Variants in MTMR3 observed in about 807,000 individuals in gnomAD.
MTMR3 encodes the protein myotubularin related protein 3.
In MTMR3, 32 loss-of-function variants were observed where a neutral mutation model predicts 132.4. The observed-to-expected ratio is 0.24, with a 90% CI of 0.18 to 0.32. The LOEUF is 0.32. MTMR3 is among the 10% of genes least tolerant of loss of function. The pLI, the probability that MTMR3 is intolerant of heterozygous loss-of-function variation, is 1.00. For synonymous variants in MTMR3, 556 were observed against 550.3 expected (o/e 1.01, Z -0.14); for missense variants, 1,216 against 1,489.6 (o/e 0.82, Z 3.02).
intron 1 of MTMR3, among the ~76,000 whole-genome samples, chr22:29,912,045 C>G (rs1428034498): frequency 6.6e-6 from 1 of 151,992 alleles, no homozygotes; most frequent in Admixed American, 6.6e-5. Flanking sequence ...GGTGAAAAGT[C>G]AGACAAGAGG....
chr22:29,885,925 T>TA (rs1408445592), intron 1 of MTMR3, among the ~76,000 whole-genome samples: 3 of 152,182 alleles, frequency 2.0e-5, no homozygotes, highest in Non-Finnish European at 4.4e-5. Context: ...AAAATGTTGT[T>TA]ACAATTGTGT....
intron 1 of MTMR3, among the ~76,000 whole-genome samples, chr22:29,952,370 A>G (rs2066099821): frequency 6.6e-6 from 1 of 151,898 alleles, no homozygotes; most frequent in African/African-American, 2.4e-5. Flanking sequence ...AATGTTTCCA[A>G]AGAGATAGAA....
chr22:29,888,059 C>T (rs2064713474), intron 1 of MTMR3, among the ~76,000 whole-genome samples: 1 of 151,874 alleles, frequency 6.6e-6, no homozygotes, highest in Admixed American at 6.6e-5. Context: ...CTCTGTTTGC[C>T]CAGGCTAGAG....
rs534244117 is a variant in MTMR3, at chr22:30,013,188, T to G, written c.1318-168T>G. Reference sequence around the variant, plus strand: ...ATGGAGTTCAGGGAATTGGGAAATTTCCCTAAGTGTGTGCCTCATCAGGGA... The same window carrying G: ...ATGGAGTTCAGGGAATTGGGAAATTGCCCTAAGTGTGTGCCTCATCAGGGA... On this transcript the variant is annotated intron_variant, in intron 13 of 19. Transcript: ENST00000401950. 5.5e-5 allele frequency: 29 copies of G among 525,418 alleles called. No homozygotes were observed. The South Asian group carries it at 9.5e-4, about 17-fold the overall frequency. 32.5% of individuals were successfully genotyped at this position (525,418 alleles called of 1,614,324 possible).
chr22:29,964,293 T>C (rs2066372251), intron 2 of MTMR3, among the ~76,000 whole-genome samples: 1 of 152,228 alleles, frequency 6.6e-6, no homozygotes, highest in Non-Finnish European at 1.5e-5. Flanking sequence ...CCTGAATATT[T>C]CCTAAGGATT....
At chr22:30,022,208 C>A in intron 18 of MTMR3, 69 bp downstream of exon 18, 1 of 1,260,758 alleles carries the variant, frequency 7.9e-7, no homozygotes, top group Non-Finnish European at 1.1e-6. Context: ...CACCCCCATT[C>A]CCACCCCATA....
intron 1 of MTMR3, among the ~76,000 whole-genome samples, chr22:29,912,036 G>A (rs967934588): frequency 2.6e-5 from 4 of 152,152 alleles, no homozygotes; most frequent in Admixed American, 2.6e-4. Flanking sequence ...GAAAAACTCG[G>A]TGAAAAGTCA....
At chr22:29,945,831 A>G (rs916804431) in intron 1 of MTMR3, among the ~76,000 whole-genome samples, 2 of 152,140 alleles carry the variant, frequency 1.3e-5, no homozygotes, top group Non-Finnish European at 2.9e-5. Context: ...AAAAAAATTT[A>G]TGGATGAAAA....
At chr22:29,971,951 A>G (rs894243780) in intron 3 of MTMR3, among the ~76,000 whole-genome samples, 1 of 152,240 alleles carries the variant, frequency 6.6e-6, no homozygotes, top group African/African-American at 2.4e-5. Context: ...CATTAATTTC[A>G]AGCTTCATTA....
At chr22:29,983,281 G>C (rs2066791664) in intron 5 of MTMR3, 2 of 152,200 alleles carry the variant, frequency 1.3e-5, no homozygotes, top group African/African-American at 4.8e-5. Flanking sequence ...GTTTCTGTTA[G>C]AAATAATTTG....
At chr22:29,949,510 A>C (rs9306467) in intron 1 of MTMR3, among the ~76,000 whole-genome samples, 9,615 of 95,208 alleles carry the variant, frequency 0.1, 636 homozygotes, top group African/African-American at 0.21. Flanking sequence ...GCCCCCCCCC[A>C]AAAAAAAAAA....
At chr22:29,957,214 T>G (rs1375448844) in intron 2 of MTMR3, 126 bp downstream of exon 2, 1 of 151,538 alleles carries the variant, frequency 6.6e-6, no homozygotes, top group Non-Finnish European at 1.5e-5. Flanking sequence ...TGTCCATGAT[T>G]ATTTAGATGA....
At chr22:29,911,843 C>T (rs1167001113) in intron 1 of MTMR3, among the ~76,000 whole-genome samples, 1 of 152,040 alleles carries the variant, frequency 6.6e-6, no homozygotes, top group Non-Finnish European at 1.5e-5. Flanking sequence ...AATCAGTATT[C>T]CTTTCCCATT....
chr22:30,024,797 C>T (rs1407180851), intron 19 of MTMR3: 1 of 152,224 alleles, frequency 6.6e-6, no homozygotes, highest in East Asian at 1.9e-4. Flanking sequence ...AATTCCCTTT[C>T]CTGTTGGCTC....
At chr22:29,915,296 A>G (rs577046544) in intron 1 of MTMR3, among the ~76,000 whole-genome samples, 1 of 152,332 alleles carries the variant, frequency 6.6e-6, no homozygotes, top group East Asian at 1.9e-4. Flanking sequence ...TTATTACCAC[A>G]GTATTTGCAT....
chr22:29,941,791 A>G (rs542398150), intron 1 of MTMR3, among the ~76,000 whole-genome samples: 3 of 152,186 alleles, frequency 2.0e-5, no homozygotes, highest in Non-Finnish European at 4.4e-5. Flanking sequence ...AACCATTTTA[A>G]AATGTACAAT....
intron 1 of MTMR3, among the ~76,000 whole-genome samples, chr22:29,929,695 G>A (rs372410166): frequency 6.4e-4 from 98 of 152,058 alleles, no homozygotes; most frequent in African/African-American, 2.2e-3. Context: ...TGTATTTTTA[G>A]CAGAGACAGG....
chr22:29,986,220 G>A (rs1418841109), intron 5 of MTMR3: 1 of 152,248 alleles, frequency 6.6e-6, no homozygotes, highest in African/African-American at 2.4e-5. Context: ...GAAGGCTGGA[G>A]GCTTGCCCAA....
At chr22:30,018,170 G>C (rs2067647288) in intron 16 of MTMR3, 98 bp downstream of exon 16, 3 of 1,289,566 alleles carry the variant, frequency 2.3e-6, no homozygotes, top group Non-Finnish European at 3.1e-6. Flanking sequence ...ATGGTATCTG[G>C]CTCCACAGTA....
Sources: gnomAD v4.1 joint callset for allele counts (sites outside exome capture counted in the v4.1 genomes callset) on GRCh38, gnomAD v4.1.1 for gene constraint, MANE v1.5 for transcripts, NCBI Gene and HGNC (gene_info 2026-07-23, HGNC 2026-07-21) for gene names.